PCM1: variants seen among roughly 807,000 people sequenced by gnomAD.
PCM1 encodes pericentriolar material 1 protein.
Under a neutral mutation model 241.9 loss-of-function variants are expected in PCM1, and 157 were observed. That is an observed-to-expected ratio of 0.65 (90% CI 0.57 to 0.74). The LOEUF is 0.74. PCM1 is among the 30% of genes least tolerant of loss of function. PCM1 has a pLI of 0.00. For missense variants in PCM1, 3,478 were observed against 2,360.1 expected (o/e 1.47, Z -9.81); for synonymous variants, 1,085 against 784.9 (o/e 1.38, Z -6.39).
chr8:17,954,018 AG>A (rs1192558737), intron 9 of PCM1, among the ~76,000 whole-genome samples: 1 of 152,224 alleles, frequency 6.6e-6, no homozygotes, highest in Non-Finnish European at 1.5e-5. Context: ...CACCCACAAA[AG>A]AACCTTAATA....
intron 21 of PCM1, among the ~76,000 whole-genome samples, chr8:17,968,436 T>C (rs531741828): frequency 4.6e-5 from 7 of 152,256 alleles, no homozygotes; most frequent in African/African-American, 1.4e-4. Flanking sequence ...AAGGCTGTCA[T>C]AATAATATGG....
chr8:18,014,109 A>AC (rs1215661231), intron 35 of PCM1, 73 bp downstream of exon 35: 200 of 823,744 alleles, frequency 2.4e-4, no homozygotes, highest in Middle Eastern at 7.3e-4. Flanking sequence ...AAAAAAAAAA[A>AC]AACACACACA....
At chr8:18,008,063 GCA>G (rs1405825119) in intron 30 of PCM1, among the ~76,000 whole-genome samples, 2 of 152,194 alleles carry the variant, frequency 1.3e-5, no homozygotes, top group African/African-American at 4.8e-5. Flanking sequence ...TGCCTGGGAA[GCA>G]CAGATTCCAA....
At chr8:17,949,671 T>C (rs2065260650) in intron 7 of PCM1, among the ~76,000 whole-genome samples, 1 of 152,094 alleles carries the variant, frequency 6.6e-6, no homozygotes, top group African/African-American at 2.4e-5. Context: ...CTAATTTTTG[T>C]AGTTTTGTAG....
intron 24 of PCM1, among the ~76,000 whole-genome samples, chr8:17,981,789 G>A (rs1359755053): frequency 6.6e-6 from 1 of 151,668 alleles, no homozygotes; most frequent in Non-Finnish European, 1.5e-5. Flanking sequence ...TTGTTTTTCA[G>A]TACTCATAAA....
intron 29 of PCM1, among the ~76,000 whole-genome samples, chr8:18,001,406 A>T (rs1388981373): frequency 1.3e-5 from 2 of 152,196 alleles, no homozygotes; most frequent in African/African-American, 4.8e-5. Context: ...AGCTTTTTAG[A>T]CAAGCTGATT....
At chr8:17,987,707 A>G (rs890725561) in intron 26 of PCM1, among the ~76,000 whole-genome samples, 1 of 151,824 alleles carries the variant, frequency 6.6e-6, no homozygotes, top group African/African-American at 2.4e-5. Context: ...CAGCAGCACC[A>G]CAATATCCAG....
rs746496485 is a variant in PCM1, at chr8:17,937,251, G to A, written c.214G>A (p.Val72Ile). The A allele has an allele frequency of 1.4e-5, 22 of 1,611,308 alleles. No individual in the cohort carries two copies. Among genetic ancestry groups the A allele is most frequent in the East Asian group, 8.9e-5 (4 of 44,846 alleles). Residue 72 changes from valine to isoleucine, a missense_variant, in exon 4 of 39, where the codon GTT becomes ATT. Physicochemically the swap from Val to Ile is conservative, Grantham distance 29. Transcript: ENST00000325083. ...TATTTCTCCGGAGTCGTCACCAGGA[G>A]TTGGAAGGCGAAGAACAAAGACTCC... Reference protein sequence around the residue: ...NDISPESSPGVGRRRTKTPHT... With the variant: ...NDISPESSPGIGRRRTKTPHT...
chr8:18,013,852 A>T (rs2092816266), intron 34 of PCM1, 112 bp from the exon 35 acceptor site: 2 of 652,456 alleles, frequency 3.1e-6, no homozygotes, highest in East Asian at 6.2e-5. Flanking sequence ...GATACTTTTA[A>T]ATTTCTTTGT....
intron 6 of PCM1, among the ~76,000 whole-genome samples, chr8:17,944,503 A>C (rs2063170679): frequency 6.6e-6 from 1 of 152,180 alleles, no homozygotes; most frequent in Non-Finnish European, 1.5e-5. Flanking sequence ...TTGGACTACT[A>C]CATATTTACA....
chr8:17,967,687 A>G (rs73571767), intron 21 of PCM1, among the ~76,000 whole-genome samples: 1 of 152,206 alleles, frequency 6.6e-6, no homozygotes, highest in Non-Finnish European at 1.5e-5. Context: ...TGATTGCTTC[A>G]ACTATTTATT....
chr8:18,015,396 A>G (rs1196584458), intron 36 of PCM1, among the ~76,000 whole-genome samples: 1 of 152,200 alleles, frequency 6.6e-6, no homozygotes, highest in Non-Finnish European at 1.5e-5. Context: ...GCAAACATAA[A>G]TGAAACTTCA....
Position 18,011,774 on chromosome 8 carries a change from A to G in PCM1, c.5458A>G (p.Thr1820Ala), listed in dbSNP as rs776530178. The G allele has an allele frequency of 6.2e-7, 1 of 1,613,812 alleles. No individual in the cohort carries two copies. Among genetic ancestry groups the G allele is most frequent in the Non-Finnish European group, 8.5e-7 (1 of 1,179,820 alleles). The change falls in exon 34 of 39, where the codon ACT (threonine) becomes GCT (alanine). Residue 1820 changes from threonine to alanine, a missense_variant. By Grantham distance (58) the Thr-to-Ala change is moderately conservative. Transcript: ENST00000325083. ...TGAAGAAGGCCCTGTGGATGTCCAG[A>G]CTTCCCTCCAGGCTAACACTGAAGC... is the stretch of plus-strand genomic sequence containing the variant. ...EFEEGPVDVQTSLQANTEATE... is the reference protein window; with the variant it reads ...EFEEGPVDVQASLQANTEATE...
chr8:18,011,539 T>TA (rs2092509730), intron 33 of PCM1, 128 bp from the exon 34 acceptor site: 1 of 1,089,292 alleles, frequency 9.2e-7, no homozygotes, highest in African/African-American at 1.6e-5. Flanking sequence ...AAGTTTTTAA[T>TA]ACATTCTGTT....
intron 6 of PCM1, among the ~76,000 whole-genome samples, chr8:17,942,269 C>A (rs965035679): frequency 3.3e-5 from 5 of 152,162 alleles, no homozygotes; most frequent in Admixed American, 2.0e-4. Flanking sequence ...GGGTTTGGGA[C>A]CATCCTGGCC....
intron 36 of PCM1, among the ~76,000 whole-genome samples, chr8:18,023,821 A>G (rs1207536239): frequency 1.3e-5 from 2 of 152,244 alleles, no homozygotes; most frequent in African/African-American, 4.8e-5. Context: ...CCATCAGGGA[A>G]GCTAACACTG....
chr8:17,943,478 C>T (rs372534102), intron 6 of PCM1, among the ~76,000 whole-genome samples: 2 of 152,116 alleles, frequency 1.3e-5, no homozygotes, highest in Non-Finnish European at 2.9e-5. Context: ...TGAATAGTGA[C>T]AAGCGAAATT....
chr8:17,995,989 A>G (rs1314399189), intron 29 of PCM1, among the ~76,000 whole-genome samples: 1 of 152,174 alleles, frequency 6.6e-6, no homozygotes, highest in South Asian at 2.1e-4. Flanking sequence ...AAACAAGGAT[A>G]ATTTGATTCT....
rs758299340 is a variant in PCM1, at chr8:17,955,612, G to T, written c.1431G>T (p.Glu477Asp). The T allele has an allele frequency of 6.2e-7, 1 of 1,613,698 alleles. No homozygotes were observed. The highest frequency in any genetic ancestry group is 1.1e-5 in the South Asian group (1 of 91,054). ...CTGCTTCTCTAGTATCTCAGAATGA[G>T]AGTGAAAACGAAGGCCACCTCAATC... ...YPTASLVSQN[E>D]SENEGHLNPS... is the part of the protein sequence containing the mutation. Residue 477 changes from glutamate (E) to aspartate (D), a missense_variant, in exon 10 of 39, where the codon GAG becomes GAT. Glu to Asp is a conservative substitution (Grantham distance 45). Transcript: ENST00000325083.
Sources: gnomAD v4.1 joint callset for allele counts (sites outside exome capture counted in the v4.1 genomes callset) on GRCh38, gnomAD v4.1.1 for gene constraint, MANE v1.5 for transcripts, NCBI Gene and HGNC (gene_info 2026-07-23, HGNC 2026-07-21) for gene names.